TRA2A: variants seen among roughly 807,000 people sequenced by gnomAD.
TRA2A encodes the protein transformer 2 alpha homolog, also known as transformer-2 protein homolog alpha.
TRA2A carries 31 observed loss-of-function variants against 45.7 expected under a neutral mutation model. The observed-to-expected ratio is 0.68, with a 90% CI of 0.51 to 0.92. TRA2A has a LOEUF of 0.92. TRA2A is among the 40% of genes least tolerant of loss of function. The pLI, the probability that TRA2A is intolerant of heterozygous loss-of-function variation, is 0.00. For missense variants in TRA2A, 304 were observed against 367.5 expected (o/e 0.83, Z 1.41); for synonymous variants, 132 against 126.2 (o/e 1.05, Z -0.31).
chr7:23,519,221 G>A (rs771141445), intron 2 of TRA2A, among the ~76,000 whole-genome samples: 16 of 152,044 alleles, frequency 1.1e-4, no homozygotes, highest in Middle Eastern at 3.4e-3. Flanking sequence ...ATAAAACCCC[G>A]TCTCTATTAA....
At chr7:23,526,142 T>C (rs956280283) in intron 1 of TRA2A, among the ~76,000 whole-genome samples, 2 of 152,208 alleles carry the variant, frequency 1.3e-5, no homozygotes, top group East Asian at 1.9e-4. Context: ...GTACACAATG[T>C]TGCGGAACAT....
chr7:23,506,794 G>A (rs1009496255), intron 5 of TRA2A, among the ~76,000 whole-genome samples: 3 of 152,076 alleles, frequency 2.0e-5, no homozygotes, highest in African/African-American at 7.2e-5. Context: ...TTTATTTTTT[G>A]AGACGGAGTC....
intron 1 of TRA2A, chr7:23,522,095 T>C: frequency 3.0e-6 from 4 of 1,318,618 alleles, no homozygotes; most frequent in Non-Finnish European, 3.9e-6. Context: ...AACTTGATCA[T>C]ACAGACACTG....
intron 2 of TRA2A, 127 bp from the exon 3 acceptor site, chr7:23,516,655 G>C: frequency 1.3e-6 from 1 of 768,098 alleles, no homozygotes; most frequent in Non-Finnish European, 2.1e-6. Flanking sequence ...TGAGGAAAGG[G>C]TATTCTTCCT....
At chr7:23,507,684 C>A in intron 4 of TRA2A, 149 bp from the exon 5 acceptor site, 1 of 611,696 alleles carries the variant, frequency 1.6e-6, no homozygotes, top group Non-Finnish European at 2.9e-6. Flanking sequence ...ATTGTATAGA[C>A]AATTCTAGAC....
rs370541737 is a variant in TRA2A, at chr7:23,506,132, C to T, written c.770+6G>A. On this transcript the variant is annotated splice_donor_region_variant and intron_variant, in intron 6 of 7. Transcript: ENST00000297071. ...TTAGAACAGAAAGCTCAAGTTAAAA[C>T]ATTACCTGTATCGGTAATCATAGTC... is the stretch of plus-strand genomic sequence containing the variant. 6.3e-7 allele frequency: 1 copy of T among 1,598,490 alleles called. No individual in the cohort carries two copies. The highest frequency in any genetic ancestry group is 8.6e-7 in the Non-Finnish European group (1 of 1,168,412).
rs898416400 is a variant in TRA2A at position 23,516,420 on chromosome 7, C to A, written c.279G>T (p.Arg93=). Residue 93 remains arginine, a synonymous_variant, in exon 3 of 8, where the codon CGG becomes CGT. Transcript: ENST00000297071. ...RSRSYTPEYR[R]RRSRSHSPMS... ...TTGGAGAATGGCTTCGGCTCCTTCG[C>A]CGCCGGTATTCTGGTGTATATGATC... 45 of 1,614,246 alleles carry A rather than the reference C, an allele frequency of 2.8e-5. No individual in the cohort carries two copies. Among genetic ancestry groups the A allele is most frequent in the Non-Finnish European group, 3.2e-5 (38 of 1,180,044 alleles).
intron 2 of TRA2A, among the ~76,000 whole-genome samples, chr7:23,521,425 G>A (rs1307401974): frequency 6.6e-6 from 1 of 152,132 alleles, no homozygotes; most frequent in Non-Finnish European, 1.5e-5. Flanking sequence ...TAATTGGGCT[G>A]GGAGATGATT....
intron 4 of TRA2A, among the ~76,000 whole-genome samples, chr7:23,511,836 T>C (rs990455750): frequency 6.6e-6 from 1 of 152,228 alleles, no homozygotes; most frequent in South Asian, 2.1e-4. Flanking sequence ...AGAATAGCAC[T>C]AAAAAATTAT....
Position 23,531,962 on chromosome 7 carries a change from G to A in TRA2A, c.-138C>T, listed in dbSNP as rs770329745. 51 of 906,980 alleles carry A rather than the reference G, an allele frequency of 5.6e-5. No individual in the cohort carries two copies. The highest frequency in any genetic ancestry group is 4.5e-4 in the Admixed American group (18 of 40,426). 56.2% of individuals were successfully genotyped at this position (906,980 alleles called of 1,614,324 possible). On this transcript the variant is annotated 5_prime_UTR_variant, in exon 1 of 8. Coordinates refer to ENST00000297071, the MANE Select transcript of TRA2A (RefSeq NM_013293.5). Reference sequence around the variant, plus strand: ...AGCCGCTCCACTCCACTCCCACTCGGTCGCAGGCTCCAGCAAAATGGCGCC... The same window carrying A: ...AGCCGCTCCACTCCACTCCCACTCGATCGCAGGCTCCAGCAAAATGGCGCC...
rs147135605 is a variant in TRA2A at position 23,513,056 on chromosome 7, A to G, written c.363T>C (p.Leu121=). The G allele has an allele frequency of 8.8e-4, 1,417 of 1,607,678 alleles. 2 individuals are homozygous for G. The highest frequency in any genetic ancestry group is 1.1e-3 in the Non-Finnish European group (1,324 of 1,177,714). ...TGTACAAACTGAGGCCAAACACTCC[A>G]AGGCAAGTGTTGGGATCTGGATTTG... ...SRANPDPNTC[L]GVFGLSLYTT... is the part of the protein sequence containing the mutation. Residue 121 remains leucine (L), a synonymous_variant, in exon 4 of 8, where the codon CTT becomes CTC. Coordinates refer to ENST00000297071, the MANE Select transcript of TRA2A (RefSeq NM_013293.5).
chr7:23,514,469 A>T (rs1005388202), intron 3 of TRA2A, among the ~76,000 whole-genome samples: 3 of 151,366 alleles, frequency 2.0e-5, no homozygotes, highest in African/African-American at 4.9e-5. Context: ...TCTCACTTAT[A>T]AAAAAAAAGT....
chr7:23,530,844 A>G (rs1229881940), intron 1 of TRA2A, among the ~76,000 whole-genome samples: 3 of 152,196 alleles, frequency 2.0e-5, no homozygotes, highest in African/African-American at 4.8e-5. Context: ...GTATATACTG[A>G]CTAGTTATCT....
intron 1 of TRA2A, among the ~76,000 whole-genome samples, chr7:23,527,777 G>C (rs1455678678): frequency 6.6e-6 from 1 of 152,170 alleles, no homozygotes; most frequent in Non-Finnish European, 1.5e-5. Context: ...TGACAGATCT[G>C]TAAAATTAGT....
intron 1 of TRA2A, among the ~76,000 whole-genome samples, chr7:23,526,603 A>C (rs1381432617): frequency 6.6e-6 from 1 of 152,168 alleles, no homozygotes; most frequent in East Asian, 1.9e-4. Context: ...AAAGAACAAC[A>C]GTTCTGCTTC....
chr7:23,531,269 C>T (rs1790570048), intron 1 of TRA2A: 1 of 987,632 alleles, frequency 1.0e-6, no homozygotes, highest in Non-Finnish European at 1.2e-6. Context: ...CGCGGCCGCT[C>T]ACTGAAATAG....
chr7:23,516,585 C>G, intron 2 of TRA2A, 57 bp from the exon 3 acceptor site: 2 of 1,526,918 alleles, frequency 1.3e-6, no homozygotes, highest in Admixed American at 3.4e-5. Context: ...AAAGTCCTTC[C>G]CTCTTCCAAG....
intron 2 of TRA2A, among the ~76,000 whole-genome samples, chr7:23,520,938 C>A (rs1790109993): frequency 6.6e-6 from 1 of 152,118 alleles, no homozygotes; most frequent in Admixed American, 6.6e-5. Flanking sequence ...AGTTATCTAC[C>A]CACCTCGGCT....
chr7:23,508,014 G>A (rs894445127), intron 4 of TRA2A, among the ~76,000 whole-genome samples: 1 of 151,982 alleles, frequency 6.6e-6, no homozygotes, highest in Non-Finnish European at 1.5e-5. Context: ...CATTAAAAAG[G>A]GTTTGCTAAG....
Sources: allele counts gnomAD v4.1 joint callset (sites outside exome capture counted in the v4.1 genomes callset), GRCh38; gene constraint gnomAD v4.1.1; transcripts MANE v1.5; gene names NCBI Gene and HGNC (gene_info 2026-07-23, HGNC 2026-07-21).